SLCO4A1: variants seen among roughly 807,000 people sequenced by gnomAD.
SLCO4A1 encodes the protein solute carrier organic anion transporter family member 4A1, also known as colon organic anion transporter.
A neutral mutation model predicts 64.6 loss-of-function variants in SLCO4A1; 51 were observed. The observed-to-expected ratio is 0.79, with a 90% CI of 0.63 to 1.00. SLCO4A1 has a LOEUF of 1.00. SLCO4A1 is among the 50% of genes least tolerant of loss of function. The pLI is 0.00. For synonymous variants in SLCO4A1, 471 were observed against 444.9 expected (o/e 1.06, Z -0.74); for missense variants, 919 against 980.5 (o/e 0.94, Z 0.84).
rs1202383369 is a variant in SLCO4A1 at position 62,667,781 on chromosome 20, C to G, written c.1509C>G (p.Pro503=). 1 of 1,611,546 alleles carries G rather than the reference C, an allele frequency of 6.2e-7. No homozygotes were observed. Among genetic ancestry groups the G allele is most frequent in the African/African-American group, 1.3e-5 (1 of 74,896 alleles). The part of the protein sequence containing the change: ...LPEGHLNLTA[P]CNAACSCQPE... ...AAGGCCACCTGAACCTAACGGCTCC[C>G]TGCAACGCTGCCTGCAGCTGCCAGC... The change falls in exon 8 of 12, where the codon CCC becomes CCG. Residue 503 remains proline (P), a synonymous_variant. Coordinates refer to ENST00000217159, the MANE Select transcript of SLCO4A1 (RefSeq NM_016354.4).
Position 62,681,458 on chromosome 20 carries a change from G to T in SLCO4A1, n.212-3983G>T, listed in dbSNP as rs566714844. ...CACTCGTGTGTGTGTATTAAGCCGT[G>T]TGTACACACTCGTGTGTGTGTTAAG... On this transcript the variant is annotated intron_variant and non_coding_transcript_variant, in intron 2 of 2. Coordinates refer to the SLCO4A1 transcript ENST00000466818. Among the ~76,000 whole-genome samples the T allele has an allele frequency of 1.9e-4, 18 of 96,412 alleles. No individual in the cohort carries two copies. The Middle Eastern group carries it at 0.019, about 99-fold the overall frequency. 63.3% of individuals were successfully genotyped at this position (96,412 alleles called of 152,430 possible).
At chr20:62,682,045 A>G (rs1987857435) in intron 2 of SLCO4A1, among the ~76,000 whole-genome samples, 1 of 152,162 alleles carries the variant, frequency 6.6e-6, no homozygotes, top group African/African-American at 2.4e-5. Context: ...GGGCCCCGTA[A>G]CTTCACTCAC....
chr20:62,678,170 G>A (rs951866045), intron 2 of SLCO4A1, among the ~76,000 whole-genome samples: 6 of 152,200 alleles, frequency 3.9e-5, no homozygotes, highest in Admixed American at 1.3e-4. Context: ...CTGGGCGAGC[G>A]GCGACTCCAG....
intron 2 of SLCO4A1, among the ~76,000 whole-genome samples, chr20:62,680,173 G>A (rs1987763453): frequency 6.6e-6 from 1 of 152,202 alleles, no homozygotes; most frequent in Non-Finnish European, 1.5e-5. Context: ...TCATTTCCCA[G>A]TGCCCTCTGC....
downstream of SLCO4A1, among the ~76,000 whole-genome samples, chr20:62,673,938 G>C (rs949905709): frequency 6.6e-6 from 1 of 152,212 alleles, no homozygotes; most frequent in Non-Finnish European, 1.5e-5. Flanking sequence ...CTGGGCAACA[G>C]CACAAAACAA....
chr20:62,653,019 C>G (rs1337459427), intron 1 of SLCO4A1, among the ~76,000 whole-genome samples: 2 of 152,234 alleles, frequency 1.3e-5, no homozygotes, highest in South Asian at 2.1e-4. Flanking sequence ...GACTGACCCC[C>G]CTGGGCCTTC....
At chr20:62,673,872 C>T (rs13037534), downstream of SLCO4A1, among the ~76,000 whole-genome samples, 55,213 of 151,998 alleles carry the variant, frequency 0.36, 10,268 homozygotes, top group East Asian at 0.47. Context: ...ACGTGTGCTG[C>T]GAAAAGTCAC....
chr20:62,670,852 C>T (rs971391447), intron 11 of SLCO4A1, among the ~76,000 whole-genome samples: 6 of 152,218 alleles, frequency 3.9e-5, no homozygotes, highest in South Asian at 2.1e-4. Flanking sequence ...TGTCCTGCAC[C>T]GAGTCAAAAC....
At chr20:62,670,442 A>G (rs1987053700) in intron 11 of SLCO4A1, among the ~76,000 whole-genome samples, 1 of 152,136 alleles carries the variant, frequency 6.6e-6, no homozygotes, top group Non-Finnish European at 1.5e-5. Context: ...TTATTTACCT[A>G]ATCATGGCCC....
intron 10 of SLCO4A1, 145 bp from the exon 11 acceptor site, chr20:62,668,784 GT>G: frequency 1.2e-6 from 1 of 868,694 alleles, no homozygotes; most frequent in Non-Finnish European, 1.7e-6. Context: ...AGAAAGGAAC[GT>G]TTAAGCCCTC....
chr20:62,663,946 C>T (rs1357299784), intron 5 of SLCO4A1, among the ~76,000 whole-genome samples: 1 of 152,198 alleles, frequency 6.6e-6, no homozygotes, highest in Non-Finnish European at 1.5e-5. Context: ...GGCGTTAGCC[C>T]TGCTCAGGCC....
At chr20:62,690,490 A>G (rs961212244), downstream of SLCO4A1, among the ~76,000 whole-genome samples, 1 of 152,212 alleles carries the variant, frequency 6.6e-6, no homozygotes, top group Non-Finnish European at 1.5e-5. Flanking sequence ...GCCGCAGGCC[A>G]GAGCCCTGGC....
chr20:62,652,936 G>A (rs565169712), intron 1 of SLCO4A1, among the ~76,000 whole-genome samples: 21 of 152,224 alleles, frequency 1.4e-4, no homozygotes, highest in Non-Finnish European at 2.8e-4. Context: ...TGACGCAGAC[G>A]CTTGGCTCTG....
chr20:62,671,995 T>C lies in SLCO4A1; in HGVS notation c.*102T>C, dbSNP rs1250295947. The C allele has an allele frequency of 2.3e-5, 37 of 1,594,272 alleles. No homozygotes were observed. The highest frequency in any genetic ancestry group is 3.1e-5 in the Non-Finnish European group (36 of 1,177,360). On this transcript the variant is annotated 3_prime_UTR_variant, in exon 12 of 12. Transcript: ENST00000217159. ...ATCACACGGGAACTTCTATTTGACC[T>C]GCAACCTTCTACTTAACCTGTGGTT...
At position 62,669,055 on chromosome 20, in the gene SLCO4A1, C is replaced by A. The variant is rs1347176486; in HGVS notation, c.2002C>A (p.Leu668Ile). ...YQNSAMSRYI[L>I]IMGLLYKVLG... ...GAATTCGGCCATGAGCCGCTACATACTCATCATGGGGCTCCTGTACAAGGT... is the reference window on the plus strand; with the variant it reads ...GAATTCGGCCATGAGCCGCTACATAATCATCATGGGGCTCCTGTACAAGGT... The change falls in exon 11 of 12, where the codon CTC becomes ATC. Residue 668 changes from leucine to isoleucine, a missense_variant. Coordinates refer to ENST00000217159, the MANE Select transcript of SLCO4A1 (RefSeq NM_016354.4). The A allele has an allele frequency of 6.2e-7, 1 of 1,611,198 alleles. No homozygotes were observed. The highest frequency in any genetic ancestry group is 1.7e-5 in the Admixed American group (1 of 60,026).
At position 62,669,029 on chromosome 20, in the gene SLCO4A1, A is replaced by G; in HGVS notation, c.1976A>G (p.Gln659Arg). The change falls in exon 11 of 12, where the codon CAG (glutamine) becomes CGG (arginine). Residue 659 changes from glutamine to arginine, a missense_variant. Transcript: ENST00000217159. ...CGQQGSCLVYQNSAMSRYILI... is the reference protein window; with the variant it reads ...CGQQGSCLVYRNSAMSRYILI... ...CAGCAGGGCTCCTGCTTGGTGTACCAGAATTCGGCCATGAGCCGCTACATA... is the reference window on the plus strand; with the variant it reads ...CAGCAGGGCTCCTGCTTGGTGTACCGGAATTCGGCCATGAGCCGCTACATA... The G allele has an allele frequency of 6.2e-7, 1 of 1,611,546 alleles. No individual in the cohort carries two copies. Among genetic ancestry groups the G allele is most frequent in the Non-Finnish European group, 8.5e-7 (1 of 1,179,990 alleles).
At chr20:62,646,471 C>T (rs1375513929) in intron 1 of SLCO4A1, among the ~76,000 whole-genome samples, 1 of 152,270 alleles carries the variant, frequency 6.6e-6, no homozygotes, top group Non-Finnish European at 1.5e-5. Flanking sequence ...GTTGTGGCAT[C>T]ACTTACGCCT....
chr20:62,671,673 G>A (rs994499889), intron 11 of SLCO4A1, 77 bp from the exon 12 acceptor site: 22 of 1,413,142 alleles, frequency 1.6e-5, no homozygotes, highest in Non-Finnish European at 1.8e-5. Flanking sequence ...GCAGGGACAG[G>A]ACTGGGACAG....
chr20:62,659,714 C>G (rs1346976179), intron 3 of SLCO4A1, among the ~76,000 whole-genome samples: 1 of 152,228 alleles, frequency 6.6e-6, no homozygotes, highest in East Asian at 1.9e-4. Context: ...TGGCTGCAGC[C>G]TTGCAGGGTG....
Sources: allele counts gnomAD v4.1 joint callset (sites outside exome capture counted in the v4.1 genomes callset), GRCh38; gene constraint gnomAD v4.1.1; transcripts MANE v1.5; gene names NCBI Gene and HGNC (gene_info 2026-07-23, HGNC 2026-07-21).